The following SVEP1 variants were observed in gnomAD, a reference collection of about 807,000 sequenced individuals.
SVEP1 encodes the protein sushi, von Willebrand factor type A, EGF and pentraxin domain containing 1.
Under a neutral mutation model 367.3 loss-of-function variants are expected in SVEP1, and 164 were observed. The ratio of observed to expected loss-of-function variants is 0.45; its 90% CI spans 0.39 to 0.51. SVEP1 has a LOEUF of 0.51. SVEP1 is among the 20% of genes least tolerant of loss of function. The pLI is 0.00. For missense variants in SVEP1, 4,117 were observed against 4,425.3 expected (o/e 0.93, Z 1.98); for synonymous variants, 1,666 against 1,611.6 (o/e 1.03, Z -0.81).
intron 3 of SVEP1, among the ~76,000 whole-genome samples, chr9:110,528,105 CATATACAT>C (rs1475415596): frequency 2.1e-5 from 3 of 141,892 alleles, no homozygotes; most frequent in Non-Finnish European, 3.1e-5. Context: ...CACATACACA[CATATACAT>C]ATATACATAC....
At chr9:110,381,287 T>C (rs1341892303) in intron 43 of SVEP1, among the ~76,000 whole-genome samples, 3 of 152,192 alleles carry the variant, frequency 2.0e-5, no homozygotes, top group African/African-American at 7.2e-5. Flanking sequence ...GTTCTTTTAG[T>C]TGTGATGTTA....
chr9:110,390,311 ATGTGTATATATACT>A (rs1564127524), intron 40 of SVEP1, among the ~76,000 whole-genome samples: 4 of 25,372 alleles, frequency 1.6e-4, no homozygotes, highest in African/African-American at 3.0e-4. Flanking sequence ...TTATATAAGT[ATGTGTATATATACT>A]TATATATACA....
At position 110,579,655 on chromosome 9, in the gene SVEP1, C is replaced by G; in HGVS notation, c.-112G>C. On this transcript the variant is annotated 5_prime_UTR_variant, in exon 1 of 48. Transcript: ENST00000374469. The surrounding 1 kb of genome is among the most constrained non-coding windows in gnomAD (Gnocchi z 5.3). The stretch of plus-strand genomic sequence containing the variant: ...GTGCGCGGAGCTGGGCGCGGGGCAG[C>G]GGCCAAGAGCCTCAGCGCCCTTTCA... The G allele has an allele frequency of 7.8e-7, 1 of 1,282,628 alleles. No individual in the cohort carries two copies. Among genetic ancestry groups the G allele is most frequent in the Non-Finnish European group, 1.0e-6 (1 of 979,760 alleles). The allele number at this position is 1,282,628 out of a possible 1,614,324, so 79.5% of individuals were successfully genotyped here. A position where few individuals can be genotyped will look rare whatever the true frequency, so the allele number is the denominator to read the frequency against.
At chr9:110,434,303 G>A (rs142073612) in intron 30 of SVEP1, 33 bp downstream of exon 30, 2 of 1,571,074 alleles carry the variant, frequency 1.3e-6, no homozygotes, top group African/African-American at 2.7e-5. Flanking sequence ...TTTTTCAAAA[G>A]TCACTGAAAT....
intron 18 of SVEP1, among the ~76,000 whole-genome samples, chr9:110,464,822 C>T (rs1376909140): frequency 6.6e-6 from 1 of 152,140 alleles, no homozygotes; most frequent in East Asian, 1.9e-4. Flanking sequence ...CAGAGGTAGG[C>T]CAACAACAAC....
chr9:110,412,417 G>T (rs973673857), intron 36 of SVEP1, among the ~76,000 whole-genome samples: 6 of 152,120 alleles, frequency 3.9e-5, no homozygotes, highest in Non-Finnish European at 8.8e-5. Flanking sequence ...AGACTTAAAC[G>T]TTAAACCTAA....
intron 3 of SVEP1, among the ~76,000 whole-genome samples, chr9:110,531,804 C>T (rs1170913489): frequency 6.6e-6 from 1 of 152,174 alleles, no homozygotes; most frequent in African/African-American, 2.4e-5. Flanking sequence ...TAAAACACTA[C>T]CCCAAACCAT....
At position 110,542,965 on chromosome 9, in the gene SVEP1, T is replaced by TAA. The variant is rs1554722331; in HGVS notation, c.964+3148_964+3149dup. Among the ~76,000 whole-genome samples the TAA allele has an allele frequency of 7.4e-3, 1,051 of 141,642 alleles. 15 individuals carry two copies. The highest frequency in any genetic ancestry group is 0.012 in the Admixed American group (174 of 14,138). The allele number at this position is 141,642 out of a possible 152,430, so 92.9% of individuals were successfully genotyped here. A position where few individuals can be genotyped will look rare whatever the true frequency, so the allele number is the denominator to read the frequency against. ...TGTACCCTAGAACTTAAAGTATAAT[T>TAA]AAAAAAAAATATATATATATATATA... On this transcript the variant is annotated intron_variant, in intron 3 of 47. Transcript: ENST00000374469.
In SVEP1 at chr9:110,407,634, C is replaced by T. The variant is rs1228842699; in HGVS notation, c.7966G>A (p.Ala2656Thr). ...GTATTTTCCCAGGTTTTAGCCACTG[C>T]TCCCAAATGATAAGGAGGGTGAGGA... ...VTPHPPYHLG[A>T]VAKTWENTKE... Residue 2656 changes from alanine to threonine, a missense_variant, in exon 38 of 48, where the codon GCA becomes ACA. Physicochemically the swap from Ala to Thr is moderately conservative, Grantham distance 58 (BLOSUM62 0). Around this residue, in one of 4 missense-constraint regions of SVEP1, gnomAD observed 1,765 missense variants for 1,781.1 expected, o/e 0.99. Coordinates refer to ENST00000374469, the MANE Select transcript of SVEP1 (RefSeq NM_153366.4). The T allele has an allele frequency of 6.2e-7, 1 of 1,613,994 alleles. No individual in the cohort carries two copies. The highest frequency in any genetic ancestry group is 8.5e-7 in the Non-Finnish European group (1 of 1,179,870).
Position 110,496,924 on chromosome 9 carries a change from G to A in SVEP1, c.1691C>T (p.Ala564Val). ...GTCCTTAGGACAGTTGATTTGAGGA[G>A]CCTCCACGTCTAACTCAGAAAAATA... ...VQAAVCKDVE[A>V]PQINCPKDIE... The change falls in exon 8 of 48, where the codon GCT becomes GTT. Residue 564 changes from alanine (A) to valine (V), a missense_variant. Physicochemically the swap from Ala to Val is moderately conservative, Grantham distance 64 (BLOSUM62 0). Transcript: ENST00000374469. The A allele has an allele frequency of 6.5e-7, 1 of 1,544,144 alleles. No homozygotes were observed. Among genetic ancestry groups the A allele is most frequent in the African/African-American group, 1.4e-5 (1 of 73,074 alleles).
At position 110,579,191 on chromosome 9, in the gene SVEP1, G is replaced by C. The variant is rs768905814; in HGVS notation, c.353C>G (p.Thr118Arg). The change falls in exon 1 of 48, where the codon ACG becomes AGG. Residue 118 changes from threonine to arginine, a missense_variant. By Grantham distance (71) the Thr-to-Arg change is moderately conservative (BLOSUM62 -1). Around this residue, in one of 4 missense-constraint regions of SVEP1, gnomAD observed 2,174 missense variants for 2,494.3 expected, o/e 0.87. Coordinates refer to ENST00000374469, the MANE Select transcript of SVEP1 (RefSeq NM_153366.4). The surrounding 1 kb of genome is among the most constrained non-coding windows in gnomAD (Gnocchi z 5.3). ...GGTCACGATGGCCACGCGCGTGGCC[G>C]TGGGCACCACGGGGAAGTCGGACAG... ...KLLSDFPVVP[T>R]ATRVAIVTFS... 7.3e-5 allele frequency: 115 copies of C among 1,570,324 alleles called. No homozygotes were observed. Among genetic ancestry groups the C allele is most frequent in the Non-Finnish European group, 9.8e-5 (114 of 1,158,640 alleles).
chr9:110,446,788 C>A (rs185166028), intron 25 of SVEP1, 112 bp downstream of exon 25: 19 of 898,100 alleles, frequency 2.1e-5, no homozygotes, highest in African/African-American at 3.5e-5. Context: ...GTACAAAGTG[C>A]TTGGCATCGT....
chr9:110,433,027 G>C lies in SVEP1; in HGVS notation c.5060-392C>G, dbSNP rs905822264. 3.9e-5 allele frequency among the ~76,000 whole-genome samples: 6 copies of C among 152,058 alleles called. No homozygotes were observed. In the East Asian group the frequency reaches 9.7e-4, roughly 24 times the overall value. On this transcript the variant is annotated intron_variant, in intron 30 of 47. Transcript: ENST00000374469. ...GGTGAGTGAGTTCTCGTGAGATCTG[G>C]TTAAGTGTGTGGCACCTCTCCCTCC...
intron 3 of SVEP1, 127 bp downstream of exon 3, chr9:110,545,988 A>G: frequency 6.7e-6 from 8 of 1,196,818 alleles, no homozygotes; most frequent in Non-Finnish European, 9.3e-6. Context: ...TGAAGCCCCA[A>G]AGAGATGTGC....
intron 3 of SVEP1, among the ~76,000 whole-genome samples, chr9:110,537,612 C>A (rs1470332246): frequency 6.6e-6 from 1 of 151,782 alleles, no homozygotes; most frequent in East Asian, 1.9e-4. Context: ...TAGAAGAGGA[C>A]TAAGAAAATA....
At chr9:110,428,429 C>CACACACACACACA (rs60798857) in intron 35 of SVEP1, among the ~76,000 whole-genome samples, 14 of 151,208 alleles carry the variant, frequency 9.3e-5, no homozygotes, top group South Asian at 2.1e-4. Flanking sequence ...CACACACACA[C>CACACACACACACA]CATTAATCTC....
rs533211373 is a variant in SVEP1 at position 110,366,423 on chromosome 9, T to G, written c.*116A>C. The G allele has an allele frequency of 2.2e-4, 229 of 1,044,126 alleles. 3 individuals are homozygous for G. The South Asian group carries it at 6.2e-3, about 28-fold the overall frequency. 64.7% of individuals were successfully genotyped at this position (1,044,126 alleles called of 1,614,324 possible). On this transcript the variant is annotated 3_prime_UTR_variant, in exon 48 of 48. Coordinates refer to ENST00000374469, the MANE Select transcript of SVEP1 (RefSeq NM_153366.4). ...AAAAAAGTAACCCCAAGTAACAAGTTTACTAAACAAGACCCAGCACCATGT... is the reference window on the plus strand; with the variant it reads ...AAAAAAGTAACCCCAAGTAACAAGTGTACTAAACAAGACCCAGCACCATGT...
intron 26 of SVEP1, among the ~76,000 whole-genome samples, chr9:110,444,459 A>G (rs910621624): frequency 2.0e-5 from 3 of 152,212 alleles, no homozygotes; most frequent in Admixed American, 6.5e-5. Flanking sequence ...AGTCTATGCT[A>G]TTTATTATAG....
rs751300823 is a variant in SVEP1 at position 110,579,463 on chromosome 9, C to A, written c.81G>T (p.Ser27=). 1 of 1,602,100 alleles carries A rather than the reference C, an allele frequency of 6.2e-7. No individual in the cohort carries two copies. The highest frequency in any genetic ancestry group is 8.5e-7 in the Non-Finnish European group (1 of 1,175,480). ...GGAAGAGGCGGAAGCTGAAATTGCGCGACGGGGACATCTGCTGAAAGGTCG... is the reference window on the plus strand; with the variant it reads ...GGAAGAGGCGGAAGCTGAAATTGCGAGACGGGGACATCTGCTGAAAGGTCG... ...GWATFQQMSP[S]RNFSFRLFPE... is the part of the protein sequence containing the mutation. Residue 27 remains serine, a synonymous_variant, in exon 1 of 48, where the codon TCG becomes TCT. Coordinates refer to ENST00000374469, the MANE Select transcript of SVEP1 (RefSeq NM_153366.4). The surrounding 1 kb of genome is among the most constrained non-coding windows in gnomAD (Gnocchi z 5.3).
Sources: gnomAD v4.1 joint callset for allele counts (sites outside exome capture counted in the v4.1 genomes callset) on GRCh38, gnomAD v4.1.1 for gene constraint, gnomAD v4.1.1 regional missense constraint, Gnocchi (gnomAD v3.1) non-coding constraint, MANE v1.5 for transcripts, NCBI Gene and HGNC (gene_info 2026-07-23, HGNC 2026-07-21) for gene names.